Variants in TAF3 observed in about 807,000 individuals in gnomAD.
TAF3 encodes the protein TATA-box binding protein associated factor 3.
Under a neutral mutation model 80.6 loss-of-function variants are expected in TAF3, and 7 were observed. That is an observed-to-expected ratio of 0.09 (90% CI 0.05 to 0.16). The LOEUF (loss-of-function observed/expected upper bound fraction) is 0.16, where lower values mean the gene tolerates loss of function less well. Among genes scored for constraint, TAF3 ranks in the 10% least tolerant of loss-of-function variants. The pLI is 1.00. For synonymous variants in TAF3, 444 were observed against 446.1 expected, an observed-to-expected ratio of 1.00 and a Z score of 0.06; for missense variants, 921 against 1,140.2, an observed-to-expected ratio of 0.81 and a Z score of 2.77.
chr10:7,846,058 A>C (rs1044792409), intron 2 of TAF3, among the ~76,000 whole-genome samples: 1 of 149,298 alleles, frequency 6.7e-6, no homozygotes, highest in African/African-American at 2.5e-5. Context: ...TCCTGGGTTC[A>C]CGCCAGTCTC....
chr10:7,929,802 G>T (rs1046721933), intron 2 of TAF3, among the ~76,000 whole-genome samples: 1 of 151,996 alleles, frequency 6.6e-6, no homozygotes, highest in African/African-American at 2.4e-5. Flanking sequence ...TTTTACAGTG[G>T]TTCTAAAGTG....
chr10:7,839,359 C>T (rs1836887287), intron 2 of TAF3, among the ~76,000 whole-genome samples: 1 of 152,160 alleles, frequency 6.6e-6, no homozygotes, highest in South Asian at 2.1e-4. Flanking sequence ...ACTCATTCTC[C>T]ATTTCACCAT....
At chr10:7,873,622 C>CA (rs1554779071) in intron 2 of TAF3, among the ~76,000 whole-genome samples, 3 of 130,738 alleles carry the variant, frequency 2.3e-5, no homozygotes, top group Middle Eastern at 7.7e-3. Context: ...AGTTCTCCCC[C>CA]CCCCCCCGTC....
At chr10:8,002,495 C>A (rs1352899993) in intron 4 of TAF3, among the ~76,000 whole-genome samples, 1 of 152,120 alleles carries the variant, frequency 6.6e-6, no homozygotes, top group Non-Finnish European at 1.5e-5. Flanking sequence ...ATGTTAAAAG[C>A]TGAGGACATA....
intron 2 of TAF3, among the ~76,000 whole-genome samples, chr10:7,897,924 G>A (rs1386647350): frequency 6.6e-6 from 1 of 151,932 alleles, no homozygotes; most frequent in Non-Finnish European, 1.5e-5. Flanking sequence ...GCCTCCCAAA[G>A]TGCTGGGATT....
chr10:7,890,789 G>A (rs1013418269), intron 2 of TAF3, among the ~76,000 whole-genome samples: 6 of 152,058 alleles, frequency 3.9e-5, no homozygotes, highest in Non-Finnish European at 7.4e-5. Flanking sequence ...TCACACCTAC[G>A]TCATACATTT....
At chr10:7,943,508 C>T (rs1010451471) in intron 2 of TAF3, among the ~76,000 whole-genome samples, 9 of 152,156 alleles carry the variant, frequency 5.9e-5, no homozygotes, top group Non-Finnish European at 1.3e-4. Context: ...CACCATGCTT[C>T]ATTGTCCTTG....
chr10:8,001,746 G>T lies in TAF3; in HGVS notation c.2316-7332G>T, dbSNP rs75200268. On this transcript the variant is annotated intron_variant, in intron 4 of 6. Transcript: ENST00000344293. ...ATTTTTAAGACGTTTAGAATTTATG[G>T]TTTGTGATACAGCTCCAATTTTGAG... is the stretch of plus-strand genomic sequence containing the variant. Among the ~76,000 whole-genome samples the T allele has an allele frequency of 7.9e-3, 1,206 of 152,128 alleles. 5 individuals carry two copies. Among genetic ancestry groups the T allele is most frequent in the Non-Finnish European group, 0.013 (889 of 67,988 alleles).
chr10:7,833,335 C>T (rs182516191), intron 2 of TAF3, among the ~76,000 whole-genome samples: 1 of 152,256 alleles, frequency 6.6e-6, no homozygotes, highest in East Asian at 1.9e-4. Context: ...ACAAGGATTC[C>T]CCCTTTTCTC....
At chr10:7,837,644 G>GAAAAAAT in intron 2 of TAF3, among the ~76,000 whole-genome samples, 1 of 151,982 alleles carries the variant, frequency 6.6e-6, no homozygotes, top group Non-Finnish European at 1.5e-5. Context: ...CTCTGTCTCA[G>GAAAAAAT]AAAAAATAAA....
chr10:7,915,514 G>A (rs1418996193), intron 2 of TAF3, among the ~76,000 whole-genome samples: 11 of 151,314 alleles, frequency 7.3e-5, no homozygotes, highest in East Asian at 2.0e-4. Context: ...ATGGTGGTGC[G>A]CGCCCGTAGT....
chr10:7,846,204 G>C (rs996840803), intron 2 of TAF3, among the ~76,000 whole-genome samples: 1 of 152,080 alleles, frequency 6.6e-6, no homozygotes, highest in African/African-American at 2.4e-5. Flanking sequence ...TGATCTGCCC[G>C]CCTTGGCCTC....
intron 2 of TAF3, among the ~76,000 whole-genome samples, chr10:7,922,930 T>G (rs971024621): frequency 3.3e-5 from 5 of 152,090 alleles, no homozygotes; most frequent in Admixed American, 1.3e-4. Flanking sequence ...AGAAAACTTG[T>G]ATCTTCCAGA....
rs1449173786 is a variant in TAF3, at chr10:8,009,343, C to T, written c.2568+13C>T. 3.8e-6 allele frequency: 6 copies of T among 1,588,180 alleles called. No homozygotes were observed. The Admixed American group carries it at 1.0e-4, about 27-fold the overall frequency. ...CAGCACCTACGTGGTGCGTACCTGCCGCCCGCGCGGTTAGCATGGAGACGT... is the reference window on the plus strand; with the variant it reads ...CAGCACCTACGTGGTGCGTACCTGCTGCCCGCGCGGTTAGCATGGAGACGT... On this transcript the variant is annotated intron_variant, in intron 5 of 6. Transcript: ENST00000344293. The surrounding 1 kb of genome is among the most constrained non-coding windows in gnomAD (Gnocchi z 4.1).
At chr10:7,914,627 G>A (rs1243788956) in intron 2 of TAF3, among the ~76,000 whole-genome samples, 2 of 152,138 alleles carry the variant, frequency 1.3e-5, no homozygotes, top group African/African-American at 4.8e-5. Context: ...TGATGTTTCT[G>A]TATTTGGACT....
At chr10:7,986,577 T>A (rs1429535288) in intron 4 of TAF3, among the ~76,000 whole-genome samples, 2 of 152,182 alleles carry the variant, frequency 1.3e-5, no homozygotes, top group African/African-American at 4.8e-5. Context: ...TTTCCCAAGC[T>A]GAACAAAACC....
intron 4 of TAF3, among the ~76,000 whole-genome samples, chr10:7,983,376 G>A (rs1831745005): frequency 6.6e-6 from 1 of 152,190 alleles, no homozygotes; most frequent in South Asian, 2.1e-4. Context: ...TTAGGAAAAG[G>A]CTGTCAGTTT....
intron 2 of TAF3, among the ~76,000 whole-genome samples, chr10:7,931,972 C>T (rs781547243): frequency 9.2e-5 from 14 of 152,044 alleles, no homozygotes; most frequent in Non-Finnish European, 1.8e-4. Context: ...GCTAGAGATA[C>T]GCAACCAGAA....
Position 8,014,965 on chromosome 10 carries a change from A to ATTT in TAF3, c.*214_*215insTTT. 4.6e-6 allele frequency: 2 copies of ATTT among 433,052 alleles called. No homozygotes were observed. Among genetic ancestry groups the ATTT allele is most frequent in the Non-Finnish European group, 8.4e-6 (2 of 237,796 alleles). The allele number at this position is 433,052 out of a possible 1,614,324, so 26.8% of individuals were successfully genotyped here. On this transcript the variant is annotated 3_prime_UTR_variant, in exon 7 of 7. Coordinates refer to ENST00000344293, the MANE Select transcript of TAF3 (RefSeq NM_031923.4). Reference sequence around the variant, plus strand: ...CTCCGTGGCAGTGCGACAGAAGGAAACTCAAGCAGAGGCGTGGCCTGGGGG... The same window carrying ATTT: ...CTCCGTGGCAGTGCGACAGAAGGAAATTTCTCAAGCAGAGGCGTGGCCTGGGGG...
Sources: allele counts gnomAD v4.1 joint callset (sites outside exome capture counted in the v4.1 genomes callset), GRCh38; gene constraint gnomAD v4.1.1; non-coding constraint Gnocchi (gnomAD v3.1); transcripts MANE v1.5; gene names NCBI Gene and HGNC (gene_info 2026-07-23, HGNC 2026-07-21).